The following ECHDC2 variants were observed in gnomAD, a reference collection of about 807,000 sequenced individuals.
ECHDC2 encodes the protein enoyl-CoA hydratase domain-containing protein 2, mitochondrial.
A neutral mutation model predicts 40.6 loss-of-function variants in ECHDC2; 34 were observed. The observed-to-expected ratio is 0.84, with a 90% CI of 0.64 to 1.11. The LOEUF is 1.11. Among genes scored for constraint, ECHDC2 ranks in the 50% most tolerant of loss-of-function variants. The probability of loss-of-function intolerance (pLI) is 0.00; values close to 1 mark genes in which losing one functional copy is unlikely to be tolerated. For missense variants in ECHDC2, 392 were observed against 400.7 expected (o/e 0.98, Z 0.19); for synonymous variants, 162 against 166.6 (o/e 0.97, Z 0.21).
At chr1:52,898,945 C>A (rs1487689464) in intron 8 of ECHDC2, 1 of 606,480 alleles carries the variant, frequency 1.6e-6, no homozygotes, top group African/African-American at 1.8e-5. Context: ...TAACCTCAAT[C>A]TCATCCTCTC....
intron 3 of ECHDC2, among the ~76,000 whole-genome samples, chr1:52,910,858 A>G (rs1649311273): frequency 6.6e-6 from 1 of 152,198 alleles, no homozygotes; most frequent in African/African-American, 2.4e-5. Context: ...TGGGGTCCTC[A>G]AAGGCCAGAT....
In ECHDC2 at chr1:52,911,766, C is replaced by G; in HGVS notation, c.146G>C (p.Arg49Thr). The G allele has an allele frequency of 1.2e-6, 2 of 1,614,054 alleles. No individual in the cohort carries two copies. Among genetic ancestry groups the G allele is most frequent in the South Asian group, 2.2e-5 (2 of 91,088 alleles). The change falls in exon 2 of 10, where the codon AGA (arginine) becomes ACA (threonine). Residue 49 changes from arginine to threonine, a missense_variant. By Grantham distance (71) the Arg-to-Thr change is moderately conservative. Coordinates refer to ENST00000371522, the MANE Select transcript of ECHDC2 (RefSeq NM_001198961.2). ...CCCCAAGGCATTGCGGGCAGAAGGT[C>G]TGTTCATCAGAATCTCAGTGATCCC... is the stretch of plus-strand genomic sequence containing the variant. ...DQGITEILMN[R>T]PSARNALGNV...
intron 9 of ECHDC2, chr1:52,897,199 T>C: frequency 1.7e-6 from 1 of 572,430 alleles, no homozygotes; most frequent in East Asian, 2.8e-5. Flanking sequence ...TGTTCTGTGA[T>C]TCTCGGCATT....
intron 5 of ECHDC2, chr1:52,906,252 G>A (rs947866914): frequency 9.7e-6 from 5 of 514,058 alleles, no homozygotes; most frequent in Admixed American, 4.8e-5. Context: ...TCCTTGGCTC[G>A]TAACAGCAAT....
At chr1:52,902,122 T>C (rs1647029944) in intron 7 of ECHDC2, 1 of 152,202 alleles carries the variant, frequency 6.6e-6, no homozygotes, top group South Asian at 2.1e-4. Flanking sequence ...TTATTTACAT[T>C]TGAGAGACAG....
intron 5 of ECHDC2, 109 bp from the exon 6 acceptor site, chr1:52,905,199 C>G (rs1647467681): frequency 2.4e-6 from 3 of 1,269,718 alleles, no homozygotes; most frequent in African/African-American, 1.5e-5. Flanking sequence ...AGCCACTTGC[C>G]CCATGGTCTG....
At chr1:52,897,337 G>T in intron 9 of ECHDC2, 100 bp downstream of exon 9, 3 of 1,213,066 alleles carry the variant, frequency 2.5e-6, no homozygotes, top group Non-Finnish European at 3.7e-6. Context: ...GACTGTTTGT[G>T]TTGAGAAGAA....
At chr1:52,917,660 T>C (rs1433776201) in intron 1 of ECHDC2, 1 of 455,974 alleles carries the variant, frequency 2.2e-6, no homozygotes, top group African/African-American at 2.0e-5. Flanking sequence ...ATGCACAGCA[T>C]GATGATGTTT....
intron 5 of ECHDC2, chr1:52,905,367 C>T (rs1377738250): frequency 1.9e-6 from 1 of 522,144 alleles, no homozygotes; most frequent in Non-Finnish European, 3.4e-6. Flanking sequence ...AGATGGCTGG[C>T]CCTCTTCTGT....
intron 1 of ECHDC2, chr1:52,917,612 C>G (rs930643148): frequency 6.6e-6 from 3 of 455,882 alleles, no homozygotes; most frequent in African/African-American, 6.0e-5. Context: ...ACCTTAGTGC[C>G]CAGCTAAGGA....
At position 52,911,884 on chromosome 1, in the gene ECHDC2, G is replaced by A. The variant is rs561219299; in HGVS notation, c.122-94C>T. 1.5e-4 allele frequency: 236 copies of A among 1,550,182 alleles called. 2 individuals are homozygous for A. The African/African-American group carries it at 2.9e-3, about 19-fold the overall frequency. On this transcript the variant is annotated intron_variant, in intron 1 of 9. Coordinates refer to ENST00000371522, the MANE Select transcript of ECHDC2 (RefSeq NM_001198961.2). Reference sequence around the variant, plus strand: ...CTGGAGGCAGGAGGCCTGGGATCTGGGGAGCCTCTGCCCTAGATGACCAGA... The same window carrying A: ...CTGGAGGCAGGAGGCCTGGGATCTGAGGAGCCTCTGCCCTAGATGACCAGA...
Position 52,914,071 on chromosome 1 carries a change from G to T in ECHDC2, c.122-2281C>A. On this transcript the variant is annotated intron_variant, in intron 1 of 9. Transcript: ENST00000371522. The surrounding 1 kb of genome is among the most constrained non-coding windows in gnomAD (Gnocchi z 4.0). ...ATTCCAGAGACCAGGACAGACTCAA[G>T]GCCTGTCCTCATGGAACCTACAGCC... 1.3e-6 allele frequency: 1 copy of T among 796,348 alleles called. No homozygotes were observed. Among genetic ancestry groups the T allele is most frequent in the Non-Finnish European group, 1.9e-6 (1 of 538,642 alleles). The allele number at this position is 796,348 out of a possible 1,614,324, so 49.3% of individuals were successfully genotyped here.
intron 9 of ECHDC2, chr1:52,897,036 G>C (rs1646681641): frequency 3.4e-6 from 1 of 297,092 alleles, no homozygotes; most frequent in African/African-American, 2.1e-5. Context: ...CCATGAGTAA[G>C]AGATTTAATA....
chr1:52,898,883 G>C (rs1283150473), intron 8 of ECHDC2: 3 of 493,574 alleles, frequency 6.1e-6, no homozygotes, highest in Non-Finnish European at 1.1e-5. Context: ...ACAGACCCGG[G>C]TTCTTTCTAC....
At chr1:52,898,453 C>T (rs1263516997) in intron 8 of ECHDC2, 2 of 152,778 alleles carry the variant, frequency 1.3e-5, no homozygotes, top group East Asian at 1.9e-4. Flanking sequence ...ATCTCCTGAC[C>T]TCGTGATCGC....
chr1:52,903,611 T>A (rs1385286027), intron 7 of ECHDC2, among the ~76,000 whole-genome samples: 1 of 151,586 alleles, frequency 6.6e-6, no homozygotes, highest in Non-Finnish European at 1.5e-5. Flanking sequence ...GGCTAAAACA[T>A]GAGCCTGGCC....
At chr1:52,905,783 G>C (rs965683910) in intron 5 of ECHDC2, 1 of 164,618 alleles carries the variant, frequency 6.1e-6, no homozygotes, top group Non-Finnish European at 1.3e-5. Flanking sequence ...GTGGGCATGT[G>C]AGAAGGAGAG....
In ECHDC2 at chr1:52,920,744, T is replaced by TAAA. The variant is rs377364432; in HGVS notation, c.121+806_121+808dup. 227 of 454,280 alleles carry TAAA rather than the reference T, an allele frequency of 5.0e-4. 1 individual carries two copies. The highest frequency in any genetic ancestry group is 4.0e-3 in the African/African-American group (196 of 48,696). 28.1% of individuals were successfully genotyped at this position (454,280 alleles called of 1,614,324 possible). On this transcript the variant is annotated intron_variant, in intron 1 of 9. Transcript: ENST00000371522. The stretch of plus-strand genomic sequence containing the variant: ...TGTACATTTAAGAATAAACTTTTGT[T>TAAA]AAAAAAAAAAAAGAAGCAATACAAC...
Position 52,897,441 on chromosome 1 carries a change from G to T in ECHDC2, c.797C>A (p.Ala266Asp). 6.2e-7 allele frequency: 1 copy of T among 1,614,162 alleles called. No individual in the cohort carries two copies. The highest frequency in any genetic ancestry group is 8.5e-7 in the Non-Finnish European group (1 of 1,180,016). ...CATGGGCTGGTTGCTACATACCTGG[G>T]CATAGCACATCCCTTCAATGGCCAT... ...SGMAIEGMCY[A>D]QNIPTRDRLE... is the part of the protein sequence containing the mutation. Residue 266 changes from alanine to aspartate, a missense_variant, in exon 9 of 10, where the codon GCC (alanine) becomes GAC (aspartate). Ala to Asp is a moderately radical substitution (Grantham distance 126). Coordinates refer to ENST00000371522, the MANE Select transcript of ECHDC2 (RefSeq NM_001198961.2).
Sources: gnomAD v4.1 joint callset for allele counts (sites outside exome capture counted in the v4.1 genomes callset) on GRCh38, gnomAD v4.1.1 for gene constraint, Gnocchi (gnomAD v3.1) non-coding constraint, MANE v1.5 for transcripts, NCBI Gene and HGNC (gene_info 2026-07-23, HGNC 2026-07-21) for gene names.